The following SCARA3 variants were observed in gnomAD, a reference collection of about 807,000 sequenced individuals.
SCARA3 encodes the protein scavenger receptor class A member 3, also known as cellular stress response gene protein.
In SCARA3, 39 loss-of-function variants were observed where a neutral mutation model predicts 47.0. That is an observed-to-expected ratio of 0.83 (90% CI 0.64 to 1.08). SCARA3 has a LOEUF of 1.08. Among genes scored for constraint, SCARA3 ranks in the 50% least tolerant of loss-of-function variants. SCARA3 has a pLI of 0.00. For synonymous variants in SCARA3, 356 were observed against 334.1 expected, an observed-to-expected ratio of 1.07 and a Z score of -0.71; for missense variants, 724 against 792.3, an observed-to-expected ratio of 0.91 and a Z score of 1.04.
At chr8:27,705,494 G>A in the SCARA3 span, among the ~76,000 whole-genome samples, 4 of 152,262 alleles carry the variant, frequency 2.6e-5, no homozygotes, top group African/African-American at 9.6e-5. Context: ...CCCGACAGGG[G>A]CTCCTTGGCT....
At chr8:27,721,572 A>G in the SCARA3 span, among the ~76,000 whole-genome samples, 1 of 152,198 alleles carries the variant, frequency 6.6e-6, no homozygotes, top group Non-Finnish European at 1.5e-5. Flanking sequence ...TTAGAGTGAT[A>G]AAAGACAATT....
At chr8:27,694,310 T>A in the SCARA3 span, among the ~76,000 whole-genome samples, 1 of 152,170 alleles carries the variant, frequency 6.6e-6, no homozygotes, top group Non-Finnish European at 1.5e-5. Context: ...GGTAGTTCTC[T>A]CCCACTGAAT....
chr8:27,654,572 A>G (rs1801700868), intron 3 of SCARA3, among the ~76,000 whole-genome samples: 1 of 151,888 alleles, frequency 6.6e-6, no homozygotes, highest in Non-Finnish European at 1.5e-5. Flanking sequence ...CAGCCTGGGA[A>G]ACATAGTGAG....
the SCARA3 span, among the ~76,000 whole-genome samples, chr8:27,716,306 T>G: frequency 6.6e-6 from 1 of 151,666 alleles, no homozygotes; most frequent in African/African-American, 2.4e-5. Context: ...GCAAGATCTC[T>G]CTATATAAAT....
At chr8:27,683,815 AGAG>A in the SCARA3 span, among the ~76,000 whole-genome samples, 2,011 of 152,278 alleles carry the variant, frequency 0.013, 101 homozygotes, top group East Asian at 0.11. Context: ...CTATGAAGAA[AGAG>A]GAGGAGGAGA....
chr8:27,731,902 G>A, the SCARA3 span, among the ~76,000 whole-genome samples: 3 of 121,922 alleles, frequency 2.5e-5, no homozygotes, highest in Non-Finnish European at 5.4e-5. Context: ...ACGGTACCCC[G>A]AATATTTTCT....
chr8:27,634,198 AC>A lies in SCARA3; in HGVS notation c.-1del. On this transcript the variant is annotated 5_prime_UTR_variant, in exon 1 of 6. Transcript: ENST00000301904. ...CCCTCCTGAGGCCCCAGAGGAAGAG[AC>A]CATGAAAGGTAAGGGCGGCCTGTCG... 7.1e-7 allele frequency: 1 copy of A among 1,410,302 alleles called. No homozygotes were observed. The highest frequency in any genetic ancestry group is 9.2e-7 in the Non-Finnish European group (1 of 1,086,136). The allele number at this position is 1,410,302 out of a possible 1,614,324, so 87.4% of individuals were successfully genotyped here. A position where few individuals can be genotyped will look rare whatever the true frequency, so the allele number is the denominator to read the frequency against.
At chr8:27,665,868 G>A (rs1341623657) in intron 5 of SCARA3, among the ~76,000 whole-genome samples, 1 of 152,162 alleles carries the variant, frequency 6.6e-6, no homozygotes, top group East Asian at 1.9e-4. Context: ...GTTACTCATC[G>A]AGGACCCGGC....
chr8:27,717,522 C>T, the SCARA3 span, among the ~76,000 whole-genome samples: 7 of 152,178 alleles, frequency 4.6e-5, no homozygotes, highest in African/African-American at 1.4e-4. Context: ...CAGTGGCCCC[C>T]ACCTGTAATC....
the SCARA3 span, among the ~76,000 whole-genome samples, chr8:27,704,751 A>G: frequency 7.0e-6 from 1 of 142,092 alleles, no homozygotes; most frequent in Non-Finnish European, 1.6e-5. Context: ...CTAGGATTCC[A>G]TCACACACAC....
At chr8:27,667,756 G>A (rs1427572889) in intron 5 of SCARA3, among the ~76,000 whole-genome samples, 1 of 152,198 alleles carries the variant, frequency 6.6e-6, no homozygotes, top group African/African-American at 2.4e-5. Flanking sequence ...AGTGAGCAGG[G>A]CTGACTATGG....
the SCARA3 span, among the ~76,000 whole-genome samples, chr8:27,683,702 T>G: frequency 6.6e-6 from 1 of 152,118 alleles, no homozygotes; most frequent in African/African-American, 2.4e-5. Context: ...ACAAAAACAC[T>G]CATACCAACT....
chr8:27,715,051 C>T, the SCARA3 span, among the ~76,000 whole-genome samples: 1 of 152,122 alleles, frequency 6.6e-6, no homozygotes, highest in Non-Finnish European at 1.5e-5. The surrounding 1 kb of genome is among the most constrained non-coding windows in gnomAD (Gnocchi z 4.2). Context: ...TCCTGAGTAG[C>T]TGGGACTATA....
At chr8:27,714,058 C>G in the SCARA3 span, among the ~76,000 whole-genome samples, 1 of 152,130 alleles carries the variant, frequency 6.6e-6, no homozygotes, top group South Asian at 2.1e-4. Flanking sequence ...TCCCTTTCAC[C>G]TTCTGCCATG....
At chr8:27,705,222 T>A in the SCARA3 span, among the ~76,000 whole-genome samples, 1 of 152,098 alleles carries the variant, frequency 6.6e-6, no homozygotes, top group Non-Finnish European at 1.5e-5. Flanking sequence ...GAGGGGCAGG[T>A]CGAAGGAGCC....
chr8:27,658,704 C>A lies in SCARA3; in HGVS notation c.534C>A (p.Ile178=). 2 of 1,614,082 alleles carry A rather than the reference C, an allele frequency of 1.2e-6. No homozygotes were observed. The highest frequency in any genetic ancestry group is 4.5e-5 in the East Asian group (2 of 44,872). Residue 178 remains isoleucine, a synonymous_variant, in exon 5 of 6, where the codon ATC becomes ATA. Transcript: ENST00000301904. ...AGATGGGCAGTTGCTCCTTCTCCATCCACCAGGTTAACCAGTCTCTGGGGC... is the reference window on the plus strand; with the variant it reads ...AGATGGGCAGTTGCTCCTTCTCCATACACCAGGTTAACCAGTCTCTGGGGC... ...SQEMGSCSFS[I]HQVNQSLGLF...
At chr8:27,696,874 CA>C in the SCARA3 span, among the ~76,000 whole-genome samples, 1 of 152,036 alleles carries the variant, frequency 6.6e-6, no homozygotes, top group Admixed American at 6.5e-5. Context: ...TAGTCATTGC[CA>C]GGGGCAGTGA....
At position 27,645,120 on chromosome 8, in the gene SCARA3, G is replaced by A. The variant is rs571884829; in HGVS notation, c.8-4582G>A. 8.5e-5 allele frequency among the ~76,000 whole-genome samples: 13 copies of A among 152,288 alleles called. No homozygotes were observed. In the East Asian group the frequency reaches 1.3e-3, roughly 16 times the overall value. ...TTCGCTGCAAAATTTTATAAATTTC[G>A]AAAGGTATATAAATTAAGCCTTTGC... On this transcript the variant is annotated intron_variant, in intron 1 of 5. Coordinates refer to ENST00000301904, the MANE Select transcript of SCARA3 (RefSeq NM_016240.3).
intron 1 of SCARA3, among the ~76,000 whole-genome samples, chr8:27,637,058 C>CGTGAT (rs938164250): frequency 2.6e-5 from 4 of 152,236 alleles, no homozygotes; most frequent in Non-Finnish European, 4.4e-5. Flanking sequence ...AAAACAAACA[C>CGTGAT]GTGATGTGAT....
Sources: allele counts gnomAD v4.1 joint callset (sites outside exome capture counted in the v4.1 genomes callset), GRCh38; gene constraint gnomAD v4.1.1; non-coding constraint Gnocchi (gnomAD v3.1); transcripts MANE v1.5; gene names NCBI Gene and HGNC (gene_info 2026-07-23, HGNC 2026-07-21).